Variants in SARDH observed in about 807,000 individuals in gnomAD.
SARDH encodes the protein sarcosine dehydrogenase.
Under a neutral mutation model 109.1 loss-of-function variants are expected in SARDH, and 95 were observed. The ratio of observed to expected loss-of-function variants is 0.87; its 90% CI spans 0.74 to 1.03. The LOEUF (loss-of-function observed/expected upper bound fraction) is 1.03, where lower values mean the gene tolerates loss of function less well. Among genes scored for constraint, SARDH ranks in the 50% least tolerant of loss-of-function variants. The probability of loss-of-function intolerance (pLI) is 0.00; values close to 1 mark genes in which losing one functional copy is unlikely to be tolerated. For missense variants in SARDH, 1,267 were observed against 1,287.8 expected (o/e 0.98, Z 0.25); for synonymous variants, 572 against 534.8 (o/e 1.07, Z -0.96).
chr9:133,715,765 A>C (rs553414103), intron 8 of SARDH, among the ~76,000 whole-genome samples: 4 of 152,066 alleles, frequency 2.6e-5, no homozygotes, highest in Non-Finnish European at 4.4e-5. Flanking sequence ...GGCCTGGCCT[A>C]TGCCCTGCAC....
At chr9:133,661,361 A>AC (rs1291939839), downstream of SARDH, among the ~76,000 whole-genome samples, 3 of 151,778 alleles carry the variant, frequency 2.0e-5, no homozygotes, top group Non-Finnish European at 2.9e-5. Flanking sequence ...AACAACAACA[A>AC]AAAAAAACAA....
Position 133,734,148 on chromosome 9 carries a change from C to G in SARDH, c.26G>C (p.Arg9Pro). Residue 9 changes from arginine (R) to proline (P), a missense_variant, in exon 2 of 21, where the codon CGT becomes CCT. Transcript: ENST00000439388. MASLSRAL[R>P]VAAAHPRQSP... ...CTGGCGAGGGTGGGCAGCAGCCACA[C>G]GTAGGGCTCGGCTCAGTGAGGCCAT... 6.2e-7 allele frequency: 1 copy of G among 1,603,524 alleles called. No homozygotes were observed. The highest frequency in any genetic ancestry group is 1.7e-5 in the Admixed American group (1 of 59,134).
chr9:133,695,607 C>T (rs1228067755), intron 14 of SARDH, among the ~76,000 whole-genome samples: 1 of 152,032 alleles, frequency 6.6e-6, no homozygotes, highest in Non-Finnish European at 1.5e-5. Context: ...TACAGACACC[C>T]TCATTTTGAC....
chr9:133,713,175 T>G, intron 8 of SARDH, 51 bp from the exon 9 acceptor site: 15 of 1,509,864 alleles, frequency 9.9e-6, no homozygotes, highest in Non-Finnish European at 1.3e-5. Context: ...GCACATACTC[T>G]TGGGGTGAGG....
At chr9:133,725,076 T>C (rs1279289654) in intron 6 of SARDH, among the ~76,000 whole-genome samples, 1 of 152,162 alleles carries the variant, frequency 6.6e-6, no homozygotes, top group African/African-American at 2.4e-5. Flanking sequence ...AATGAAATAC[T>C]GATACATGTA....
intron 17 of SARDH, among the ~76,000 whole-genome samples, chr9:133,672,532 C>T (rs1345037028): frequency 6.6e-6 from 1 of 152,178 alleles, no homozygotes; most frequent in Non-Finnish European, 1.5e-5. Context: ...AAGGCAGCAG[C>T]CCAGCTCAGG....
Position 133,684,329 on chromosome 9 carries a change from G to C in SARDH, c.2163+864C>G, listed in dbSNP as rs185227533. On this transcript the variant is annotated intron_variant, in intron 17 of 20. Transcript: ENST00000439388. ...CCAAACGTCAGTAGTGCTGAGGTTGGGAGACCCTGTAACAGAGCCGCCCGC... is the reference window on the plus strand; with the variant it reads ...CCAAACGTCAGTAGTGCTGAGGTTGCGAGACCCTGTAACAGAGCCGCCCGC... Among the ~76,000 whole-genome samples the C allele has an allele frequency of 3.3e-5, 5 of 152,366 alleles. No individual in the cohort carries two copies. The East Asian group carries it at 7.7e-4, about 24-fold the overall frequency.
intron 19 of SARDH, among the ~76,000 whole-genome samples, chr9:133,668,425 T>TCACCCTCCCTCTCCCC (rs1464970470): frequency 1.2e-4 from 2 of 16,098 alleles, no homozygotes. Context: ...TCCCTCTCCC[T>TCACCCTCCCTCTCCCC]TCACCCTCCC....
upstream of SARDH, among the ~76,000 whole-genome samples, chr9:133,739,136 C>T (rs952470185): frequency 1.3e-5 from 2 of 152,130 alleles, no homozygotes; most frequent in Non-Finnish European, 2.9e-5. Context: ...GTGGAGGAAA[C>T]CCAGAAAGAA....
intron 8 of SARDH, among the ~76,000 whole-genome samples, chr9:133,716,317 T>C (rs970173589): frequency 6.6e-6 from 1 of 152,226 alleles, no homozygotes; most frequent in African/African-American, 2.4e-5. Flanking sequence ...CCACTTAATG[T>C]AGAATGAATG....
In SARDH at chr9:133,728,001, C is replaced by A. The variant is rs537997052; in HGVS notation, c.915+1764G>T. Reference sequence around the variant, plus strand: ...CTCCCAGAACCCACTGAGACCTGAGCGTGACCCCTGGCGGCCACCTAGGGG... The same window carrying A: ...CTCCCAGAACCCACTGAGACCTGAGAGTGACCCCTGGCGGCCACCTAGGGG... On this transcript the variant is annotated intron_variant, in intron 6 of 20. Coordinates refer to ENST00000439388, the MANE Select transcript of SARDH (RefSeq NM_001134707.2). This position sits in a 1 kb window ranked among gnomAD's most constrained non-coding sequence, Gnocchi z 5.0. 1.3e-5 allele frequency among the ~76,000 whole-genome samples: 2 copies of A among 152,072 alleles called. No individual in the cohort carries two copies. The highest frequency in any genetic ancestry group is 4.8e-5 in the African/African-American group (2 of 41,414).
chr9:133,690,359 G>C (rs370384167), intron 16 of SARDH, 21 bp downstream of exon 16: 4 of 1,597,380 alleles, frequency 2.5e-6, no homozygotes, highest in Non-Finnish European at 3.4e-6. Flanking sequence ...ACCCAGGGGC[G>C]GGCTCCCAGT....
intron 19 of SARDH, among the ~76,000 whole-genome samples, chr9:133,670,348 A>G (rs1199617294): frequency 2.9e-5 from 4 of 137,738 alleles, no homozygotes; most frequent in Non-Finnish European, 4.7e-5. Context: ...AAAAAAAAAA[A>G]GAGCAAACTC....
At chr9:133,734,687 G>A (rs1249077147) in intron 1 of SARDH, among the ~76,000 whole-genome samples, 1 of 152,192 alleles carries the variant, frequency 6.6e-6, no homozygotes, top group East Asian at 1.9e-4. Flanking sequence ...TGAGGAAAGT[G>A]GGCTGCCCCG....
chr9:133,680,286 C>T (rs556358651), intron 17 of SARDH, among the ~76,000 whole-genome samples: 1 of 152,026 alleles, frequency 6.6e-6, no homozygotes, highest in Non-Finnish European at 1.5e-5. Flanking sequence ...TGAGCTCCAC[C>T]GAGCCTTGGG....
Position 133,695,719 on chromosome 9 carries a change from G to A in SARDH, c.1807+504C>T, listed in dbSNP as rs527592927. The stretch of plus-strand genomic sequence containing the variant: ...CCAGAACACTCATGAAGATGGGGAC[G>A]CATGAGCTGTTGGGTGGGTGGGTGG... On this transcript the variant is annotated intron_variant, in intron 14 of 20. Coordinates refer to ENST00000439388, the MANE Select transcript of SARDH (RefSeq NM_001134707.2). Among the ~76,000 whole-genome samples, 12 of 133,042 alleles carry A rather than the reference G, an allele frequency of 9.0e-5. No homozygotes were observed. In the South Asian group the frequency reaches 2.3e-3, roughly 26 times the overall value. The allele number at this position is 133,042 out of a possible 152,430, so 87.3% of individuals were successfully genotyped here. A position where few individuals can be genotyped will look rare whatever the true frequency, so the allele number is the denominator to read the frequency against.
intron 17 of SARDH, among the ~76,000 whole-genome samples, chr9:133,679,890 C>G (rs1830637844): frequency 1.3e-5 from 2 of 152,240 alleles, no homozygotes. Context: ...AGCTCTGGCC[C>G]TTGTCCTCAT....
Position 133,712,648 on chromosome 9 carries a change from C to T in SARDH, c.1299G>A (p.Pro433=), listed in dbSNP as rs147188337. ...TGTCATAGCCATGCATGTCCTTCTC[C>T]GGGCGCCCATGGATGATCCAGTGGG... is the stretch of plus-strand genomic sequence containing the variant. ...ELAHWIIHGR[P]EKDMHGYDIR... is the part of the protein sequence containing the mutation. The change falls in exon 10 of 21, where the codon CCG becomes CCA. Residue 433 remains proline (P), a synonymous_variant. Transcript: ENST00000439388. This position sits in a 1 kb window ranked among gnomAD's most constrained non-coding sequence, Gnocchi z 4.1. 1,100 of 1,610,338 alleles carry T rather than the reference C, an allele frequency of 6.8e-4. 4 individuals carry two copies. In the African/African-American group the frequency reaches 0.012, roughly 18 times the overall value.
intron 17 of SARDH, among the ~76,000 whole-genome samples, chr9:133,679,533 C>A (rs573516127): frequency 6.6e-6 from 1 of 152,226 alleles, no homozygotes; most frequent in South Asian, 2.1e-4. Flanking sequence ...GGCCCGTCCT[C>A]GGCAGGGGCC....
Sources: gnomAD v4.1 joint callset for allele counts (sites outside exome capture counted in the v4.1 genomes callset) on GRCh38, gnomAD v4.1.1 for gene constraint, Gnocchi (gnomAD v3.1) non-coding constraint, MANE v1.5 for transcripts, NCBI Gene and HGNC (gene_info 2026-07-23, HGNC 2026-07-21) for gene names.